Variants in NINJ2 observed in about 807,000 individuals in gnomAD.
The protein encoded by NINJ2 is ninjurin 2.
NINJ2 carries 12 observed loss-of-function variants against 11.7 expected under a neutral mutation model. The observed-to-expected ratio is 1.02, with a 90% CI of 0.66 to 1.66. NINJ2 has a LOEUF of 1.66. NINJ2 is among the 40% of genes most tolerant of loss of function. The pLI is 0.00. For missense variants in NINJ2, 187 were observed against 181.8 expected (o/e 1.03, Z -0.16); for synonymous variants, 93 against 76.8 (o/e 1.21, Z -1.10).
At chr12:662,965 C>CCACAGAACTG (rs113365778) in intron 1 of NINJ2, among the ~76,000 whole-genome samples, 4 of 152,210 alleles carry the variant, frequency 2.6e-5, no homozygotes, top group Admixed American at 2.6e-4. Flanking sequence ...TTTCCTGTCT[C>CCACAGAACTG]CCCGGCAGCT....
intron 1 of NINJ2, among the ~76,000 whole-genome samples, chr12:629,896 A>AAAAAAAATATATATATATAT: frequency 3.0e-4 from 3 of 9,900 alleles, no homozygotes; most frequent in African/African-American, 4.4e-4. Flanking sequence ...AAAAAAAAAA[A>AAAAAAAATATATATATATAT]ATATATATAT....
At chr12:630,468 G>A (rs1592107151) in intron 1 of NINJ2, among the ~76,000 whole-genome samples, 2 of 151,632 alleles carry the variant, frequency 1.3e-5, no homozygotes, top group African/African-American at 4.9e-5. Context: ...TCCATCTCCC[G>A]GGTTCAAGCG....
intron 1 of NINJ2, among the ~76,000 whole-genome samples, chr12:578,278 C>A (rs1947498233): frequency 6.6e-6 from 1 of 152,138 alleles, no homozygotes. Context: ...GTGAATCTTG[C>A]CAAAGCTCCT....
chr12:610,605 A>C (rs1351000956), intron 1 of NINJ2: 1 of 985,290 alleles, frequency 1.0e-6, no homozygotes, highest in Non-Finnish European at 1.2e-6. Context: ...GCCCAGCCAC[A>C]GGAGGGGGTT....
intron 1 of NINJ2, among the ~76,000 whole-genome samples, chr12:627,347 C>T (rs1948221247): frequency 6.6e-6 from 1 of 152,178 alleles, no homozygotes; most frequent in African/African-American, 2.4e-5. Flanking sequence ...TGCAATCAAA[C>T]AGGTGCTCAA....
chr12:584,431 G>A (rs994450733), intron 1 of NINJ2, among the ~76,000 whole-genome samples: 1 of 152,200 alleles, frequency 6.6e-6, no homozygotes, highest in African/African-American at 2.4e-5. Flanking sequence ...AGCACTATGG[G>A]AGGCTGAGCT....
chr12:573,042 T>TTGAGACAGAGTCTCGCTC (rs1947400530), intron 1 of NINJ2, among the ~76,000 whole-genome samples: 1 of 144,006 alleles, frequency 6.9e-6, no homozygotes, highest in Non-Finnish European at 1.5e-5. Context: ...TTTTTTTTTT[T>TTGAGACAGAGTCTCGCTC]TGAGACAGAG....
chr12:629,896 A>AAAAAAAAAAAAAAAAAAAAAAAAT, intron 1 of NINJ2, among the ~76,000 whole-genome samples: 2 of 9,904 alleles, frequency 2.0e-4, no homozygotes, highest in Non-Finnish European at 4.7e-4. Context: ...AAAAAAAAAA[A>AAAAAAAAAAAAAAAAAAAAAAAAT]ATATATATAT....
intron 1 of NINJ2, among the ~76,000 whole-genome samples, chr12:618,950 T>C (rs751410114): frequency 1.3e-5 from 2 of 152,154 alleles, no homozygotes; most frequent in Non-Finnish European, 2.9e-5. Context: ...ACTGGTCTCG[T>C]GTATTCTCCA....
At chr12:639,281 G>A (rs1948392206) in intron 1 of NINJ2, among the ~76,000 whole-genome samples, 1 of 152,090 alleles carries the variant, frequency 6.6e-6, no homozygotes, top group Admixed American at 6.6e-5. Flanking sequence ...ACACTTATAT[G>A]GGGCTGTCAT....
intron 1 of NINJ2, among the ~76,000 whole-genome samples, chr12:596,482 G>A (rs999514851): frequency 2.7e-4 from 41 of 152,104 alleles, no homozygotes; most frequent in African/African-American, 9.2e-4. Context: ...GAGGCATATG[G>A]GGAGTTTCTG....
intron 1 of NINJ2, among the ~76,000 whole-genome samples, chr12:586,674 C>T (rs950489976): frequency 5.3e-5 from 8 of 152,222 alleles, no homozygotes; most frequent in African/African-American, 1.7e-4. Context: ...GACACAGAAC[C>T]ATCGGGGCAA....
chr12:578,493 T>C (rs1033937191), intron 1 of NINJ2, among the ~76,000 whole-genome samples: 4 of 152,014 alleles, frequency 2.6e-5, no homozygotes, highest in African/African-American at 7.2e-5. Context: ...TTTTAAAACG[T>C]TTTTTGTAGG....
intron 1 of NINJ2, among the ~76,000 whole-genome samples, chr12:595,614 G>A (rs186982025): frequency 8.5e-5 from 13 of 152,292 alleles, no homozygotes; most frequent in Admixed American, 5.9e-4. Context: ...TTAGCCGGGC[G>A]TGTTGGTGCA....
At chr12:587,795 C>T (rs1947660276) in intron 1 of NINJ2, among the ~76,000 whole-genome samples, 1 of 152,178 alleles carries the variant, frequency 6.6e-6, no homozygotes, top group Non-Finnish European at 1.5e-5. Context: ...GCCCTCTGGG[C>T]CCTTCCTCGC....
chr12:582,839 G>A lies in NINJ2; in HGVS notation c.34-16661C>T, dbSNP rs58936016. On this transcript the variant is annotated intron_variant, in intron 1 of 3. Transcript: ENST00000305108. The stretch of plus-strand genomic sequence containing the variant: ...CATGCTGGTGTGAATGAATGAATGG[G>A]CGCAGGCAGGCAGGCATGCTGGTGT... 1.2e-3 allele frequency among the ~76,000 whole-genome samples: 65 copies of A among 54,280 alleles called. 5 individuals are homozygous for A. Among genetic ancestry groups the A allele is most frequent in the Non-Finnish European group, 1.5e-3 (46 of 30,724 alleles). 35.6% of individuals were successfully genotyped at this position (54,280 alleles called of 152,430 possible). A position where few individuals can be genotyped will look rare whatever the true frequency, so the allele number is the denominator to read the frequency against.
chr12:568,135 A>G (rs1275243400), intron 1 of NINJ2, among the ~76,000 whole-genome samples: 1 of 152,242 alleles, frequency 6.6e-6, no homozygotes, highest in Non-Finnish European at 1.5e-5. Flanking sequence ...ATTATCAACT[A>G]TACATATTTT....
In NINJ2 at chr12:633,220, G is replaced by A. The variant is rs148436979; in HGVS notation, c.33+30108C>T. Reference sequence around the variant, plus strand: ...TCCTCCATTAAAAAAAAACAAGGCCGGGCGCGGTGGCTCACACCTGTAATC... The same window carrying A: ...TCCTCCATTAAAAAAAAACAAGGCCAGGCGCGGTGGCTCACACCTGTAATC... On this transcript the variant is annotated intron_variant, in intron 1 of 3. Coordinates refer to ENST00000305108, the MANE Select transcript of NINJ2 (RefSeq NM_016533.6). The surrounding 1 kb of genome is among the most constrained non-coding windows in gnomAD (Gnocchi z 4.3). Among the ~76,000 whole-genome samples, 2,137 of 151,946 alleles carry A rather than the reference G, an allele frequency of 0.014. 53 individuals are homozygous for A. The highest frequency in any genetic ancestry group is 0.049 in the African/African-American group (2,037 of 41,400).
chr12:655,771 G>A (rs1005824653), intron 1 of NINJ2, among the ~76,000 whole-genome samples: 2 of 151,844 alleles, frequency 1.3e-5, no homozygotes, highest in Admixed American at 1.3e-4. Flanking sequence ...AAATTAGCTG[G>A]GCATGGTGGC....
Sources: allele counts gnomAD v4.1 joint callset (sites outside exome capture counted in the v4.1 genomes callset), GRCh38; gene constraint gnomAD v4.1.1; non-coding constraint Gnocchi (gnomAD v3.1); transcripts MANE v1.5; gene names NCBI Gene and HGNC (gene_info 2026-07-23, HGNC 2026-07-21).